PRPSAP2: variants seen among roughly 807,000 people sequenced by gnomAD.
PRPSAP2 encodes phosphoribosyl pyrophosphate synthetase associated protein 2.
A neutral mutation model predicts 40.6 loss-of-function variants in PRPSAP2; 24 were observed. The ratio of observed to expected loss-of-function variants is 0.59; its 90% CI spans 0.43 to 0.83. The LOEUF (loss-of-function observed/expected upper bound fraction) is 0.83, where lower values mean the gene tolerates loss of function less well. PRPSAP2 is among the 40% of genes least tolerant of loss of function. PRPSAP2 has a pLI of 0.00. For synonymous variants in PRPSAP2, 149 were observed against 164.7 expected, an observed-to-expected ratio of 0.90 and a Z score of 0.73; for missense variants, 292 against 465.6, an observed-to-expected ratio of 0.63 and a Z score of 3.43.
At chr17:18,857,250 G>A (rs1272417228), upstream of PRPSAP2, among the ~76,000 whole-genome samples, 3 of 151,754 alleles carry the variant, frequency 2.0e-5, no homozygotes, top group African/African-American at 4.8e-5. Flanking sequence ...CAGGAGAATC[G>A]CTTGAACCCG....
intron 10 of PRPSAP2, among the ~76,000 whole-genome samples, chr17:18,926,728 A>G (rs1445740971): frequency 6.6e-6 from 1 of 151,452 alleles, no homozygotes; most frequent in Non-Finnish European, 1.5e-5. Flanking sequence ...TCGGTGCCAC[A>G]GCCACAGAGG....
intron 1 of PRPSAP2, chr17:18,860,379 TTTAG>T (rs2036917255): frequency 6.6e-6 from 1 of 152,236 alleles, no homozygotes; most frequent in Non-Finnish European, 1.5e-5. Context: ...TATGATGCCT[TTTAG>T]TTCATCTTTC....
intron 5 of PRPSAP2, among the ~76,000 whole-genome samples, chr17:18,875,198 G>A (rs1323892716): frequency 2.6e-5 from 4 of 151,940 alleles, no homozygotes; most frequent in Admixed American, 2.0e-4. Flanking sequence ...GTGTTAACTC[G>A]GGTTCTCAGT....
chr17:18,864,478 G>C (rs2037286810), intron 1 of PRPSAP2, among the ~76,000 whole-genome samples: 1 of 151,666 alleles, frequency 6.6e-6, no homozygotes, highest in Non-Finnish European at 1.5e-5. Context: ...ATTTTTAGTA[G>C]AGACAGATTT....
intron 9 of PRPSAP2, among the ~76,000 whole-genome samples, chr17:18,916,515 G>A (rs550419582): frequency 1.3e-5 from 2 of 151,966 alleles, no homozygotes; most frequent in African/African-American, 4.8e-5. Context: ...CTGAGTAGCT[G>A]GGATTACAGG....
At chr17:18,910,352 G>A (rs2040881942) in intron 8 of PRPSAP2, among the ~76,000 whole-genome samples, 1 of 152,136 alleles carries the variant, frequency 6.6e-6, no homozygotes, top group Non-Finnish European at 1.5e-5. Context: ...AACCCGGGAG[G>A]CAGAGGTTGC....
intron 9 of PRPSAP2, chr17:18,917,393 ACTT>A (rs991464195): frequency 2.8e-5 from 4 of 144,748 alleles, no homozygotes; most frequent in East Asian, 4.0e-4. Context: ...AAAACAGATG[ACTT>A]CTTTTTTTTT....
intron 1 of PRPSAP2, among the ~76,000 whole-genome samples, chr17:18,863,414 A>G (rs964966430): frequency 6.6e-6 from 1 of 151,944 alleles, no homozygotes; most frequent in East Asian, 1.9e-4. Flanking sequence ...TTAAACACAC[A>G]TGTTTATTGG....
At chr17:18,925,208 A>T (rs1271335933) in intron 10 of PRPSAP2, among the ~76,000 whole-genome samples, 2 of 152,236 alleles carry the variant, frequency 1.3e-5, no homozygotes, top group Non-Finnish European at 2.9e-5. Context: ...GTGCACAAAA[A>T]GAGTGCACTT....
chr17:18,926,709 T>G (rs190351019), intron 10 of PRPSAP2, among the ~76,000 whole-genome samples: 32 of 152,276 alleles, frequency 2.1e-4, no homozygotes, highest in African/African-American at 2.4e-5. Context: ...TAACACAGAC[T>G]GAAAATTCTC....
At chr17:18,916,506 T>C (rs1450069461) in intron 9 of PRPSAP2, among the ~76,000 whole-genome samples, 2 of 151,596 alleles carry the variant, frequency 1.3e-5, no homozygotes, top group Non-Finnish European at 2.9e-5. Context: ...CTCAGCCTCC[T>C]GAGTAGCTGG....
intron 9 of PRPSAP2, among the ~76,000 whole-genome samples, chr17:18,923,519 T>G (rs1031874310): frequency 6.6e-6 from 1 of 152,092 alleles, no homozygotes; most frequent in Non-Finnish European, 1.5e-5. Context: ...ATTATTAGCT[T>G]TGGTAGGTGG....
intron 8 of PRPSAP2, among the ~76,000 whole-genome samples, chr17:18,893,307 C>A (rs1422770962): frequency 3.3e-5 from 5 of 152,024 alleles, no homozygotes; most frequent in Non-Finnish European, 1.5e-5. Flanking sequence ...CGCCACCACA[C>A]CCGGCTAATT....
chr17:18,910,707 A>C (rs2040909660), intron 8 of PRPSAP2, among the ~76,000 whole-genome samples: 1 of 152,170 alleles, frequency 6.6e-6, no homozygotes, highest in Non-Finnish European at 1.5e-5. Flanking sequence ...ACTATTAAGA[A>C]ATTTGTGCTT....
Position 18,902,126 on chromosome 17 carries a change from A to G in PRPSAP2, c.585-8977A>G, listed in dbSNP as rs574985740. 2.0e-5 allele frequency among the ~76,000 whole-genome samples: 3 copies of G among 152,212 alleles called. No individual in the cohort carries two copies. In the East Asian group the frequency reaches 5.8e-4, roughly 29 times the overall value. ...CTTTCCCACTAAATACCAGAAGAACATGATGAATTTTCTGTTGACTTTCCC... is the reference window on the plus strand; with the variant it reads ...CTTTCCCACTAAATACCAGAAGAACGTGATGAATTTTCTGTTGACTTTCCC... On this transcript the variant is annotated intron_variant, in intron 8 of 11. Transcript: ENST00000268835.
At chr17:18,908,672 A>T (rs1597701162) in intron 8 of PRPSAP2, 1 of 722,656 alleles carries the variant, frequency 1.4e-6, no homozygotes, top group Non-Finnish European at 2.6e-6. Context: ...CCCAAGCCAG[A>T]GCTGCTGGCC....
chr17:18,892,745 A>ATTTTTTT (rs1555554151), intron 8 of PRPSAP2, among the ~76,000 whole-genome samples: 13 of 125,706 alleles, frequency 1.0e-4, no homozygotes, highest in East Asian at 2.3e-4. Flanking sequence ...TTATTTATTT[A>ATTTTTTT]TTTTTTTGAG....
intron 8 of PRPSAP2, chr17:18,904,655 A>G (rs2040472800): frequency 6.6e-6 from 1 of 152,250 alleles, no homozygotes; most frequent in Non-Finnish European, 1.5e-5. Flanking sequence ...GTTGTTTGAC[A>G]ATGAGCAGTT....
At chr17:18,915,001 C>G (rs2041218891) in intron 9 of PRPSAP2, among the ~76,000 whole-genome samples, 1 of 150,138 alleles carries the variant, frequency 6.7e-6, no homozygotes, top group Non-Finnish European at 1.5e-5. Context: ...GCTGGGGTTA[C>G]AGACATGAAC....
Sources: allele counts gnomAD v4.1 joint callset (sites outside exome capture counted in the v4.1 genomes callset), GRCh38; gene constraint gnomAD v4.1.1; transcripts MANE v1.5; gene names NCBI Gene and HGNC (gene_info 2026-07-23, HGNC 2026-07-21).